The following TMTC1 variants were observed in gnomAD, a reference collection of about 807,000 sequenced individuals.
TMTC1 encodes the protein protein O-mannosyl-transferase TMTC1.
A neutral mutation model predicts 104.8 loss-of-function variants in TMTC1; 73 were observed. That is an observed-to-expected ratio of 0.70 (90% CI 0.58 to 0.85). The LOEUF (loss-of-function observed/expected upper bound fraction) is 0.85, where lower values mean the gene tolerates loss of function less well. Among genes scored for constraint, TMTC1 ranks in the 40% least tolerant of loss-of-function variants. TMTC1 has a pLI of 0.00. For missense variants in TMTC1, 1,035 were observed against 1,096.1 expected, an observed-to-expected ratio of 0.94 and a Z score of 0.79; for synonymous variants, 434 against 428.7, an observed-to-expected ratio of 1.01 and a Z score of -0.15.
intron 5 of TMTC1, among the ~76,000 whole-genome samples, chr12:29,740,742 G>A (rs1482738903): frequency 2.6e-5 from 4 of 152,214 alleles, no homozygotes; most frequent in Admixed American, 2.6e-4. Context: ...ATGGTGCTAG[G>A]ATTGTATGCA....
chr12:29,506,602 G>A lies in TMTC1; in HGVS notation c.*244C>T, dbSNP rs1013747648. Reference sequence around the variant, plus strand: ...TAAACCAAACAAAAATCTGTAAAATGTGTAAATGTCATTCTCCTTCCCTCT... The same window carrying A: ...TAAACCAAACAAAAATCTGTAAAATATGTAAATGTCATTCTCCTTCCCTCT... On this transcript the variant is annotated 3_prime_UTR_variant, in exon 18 of 18. Transcript: ENST00000539277. 1.0e-5 allele frequency: 5 copies of A among 481,742 alleles called. No homozygotes were observed. The highest frequency in any genetic ancestry group is 1.5e-5 in the Non-Finnish European group (4 of 267,284). 29.8% of individuals were successfully genotyped at this position (481,742 alleles called of 1,614,324 possible).
chr12:29,781,121 T>C (rs984916479), intron 1 of TMTC1, among the ~76,000 whole-genome samples: 1 of 140,328 alleles, frequency 7.1e-6, no homozygotes, highest in Non-Finnish European at 1.6e-5. Context: ...AGCTTCATGC[T>C]ATACCTCAGG....
chr12:29,628,187 T>C (rs1358130776), intron 6 of TMTC1, among the ~76,000 whole-genome samples: 1 of 152,220 alleles, frequency 6.6e-6, no homozygotes, highest in Non-Finnish European at 1.5e-5. Flanking sequence ...TTCTCCTACT[T>C]ATCTTATCTC....
intron 7 of TMTC1, among the ~76,000 whole-genome samples, chr12:29,591,354 C>A (rs1370924007): frequency 6.6e-6 from 1 of 152,132 alleles, no homozygotes; most frequent in East Asian, 1.9e-4. Flanking sequence ...GCTTTCCTGG[C>A]CTTTGGGGAG....
rs909709756 is a variant in TMTC1, at chr12:29,626,217, C to T, written c.1128+6930G>A. On this transcript the variant is annotated intron_variant, in intron 6 of 17. Transcript: ENST00000539277. ...AACAAGACAGCAAAAAATATTTGTC[C>T]CCATGGGGCTCATGCTCTGGTTGGC... Among the ~76,000 whole-genome samples the T allele has an allele frequency of 3.3e-5, 5 of 151,918 alleles. No individual in the cohort carries two copies. The East Asian group carries it at 9.6e-4, about 29-fold the overall frequency.
At chr12:29,627,531 C>A (rs1938064915) in intron 6 of TMTC1, among the ~76,000 whole-genome samples, 1 of 152,120 alleles carries the variant, frequency 6.6e-6, no homozygotes, top group African/African-American at 2.4e-5. Context: ...CATGGTACAG[C>A]CACTACGGAA....
intron 5 of TMTC1, among the ~76,000 whole-genome samples, chr12:29,634,305 T>C (rs925535365): frequency 6.6e-5 from 10 of 152,208 alleles, no homozygotes; most frequent in African/African-American, 2.4e-4. Flanking sequence ...GAGCCATTCC[T>C]ATGGAATGTA....
intron 5 of TMTC1, among the ~76,000 whole-genome samples, chr12:29,717,628 T>C (rs938145947): frequency 6.6e-6 from 1 of 152,242 alleles, no homozygotes; most frequent in African/African-American, 2.4e-5. Flanking sequence ...TAGAAAATTC[T>C]AAGGGTTTGA....
At chr12:29,709,572 A>T (rs1210393212) in intron 5 of TMTC1, among the ~76,000 whole-genome samples, 1 of 152,162 alleles carries the variant, frequency 6.6e-6, no homozygotes, top group Non-Finnish European at 1.5e-5. Context: ...GAAAAAAAAA[A>T]TTCACAGATT....
At chr12:29,761,742 C>T (rs777074187) in intron 2 of TMTC1, among the ~76,000 whole-genome samples, 48 of 152,230 alleles carry the variant, frequency 3.2e-4, no homozygotes, top group Middle Eastern at 6.8e-3. Context: ...AATAGTATCA[C>T]CCACGTCACA....
At chr12:29,575,559 T>G (rs1592257508) in intron 8 of TMTC1, among the ~76,000 whole-genome samples, 1 of 144,872 alleles carries the variant, frequency 6.9e-6, no homozygotes, top group Non-Finnish European at 1.5e-5. Flanking sequence ...TAAAATCCAC[T>G]GGCTGGGAGC....
chr12:29,650,293 C>T (rs1046226073), intron 5 of TMTC1, among the ~76,000 whole-genome samples: 3 of 152,078 alleles, frequency 2.0e-5, no homozygotes, highest in African/African-American at 7.2e-5. Flanking sequence ...CCATGTTAGC[C>T]AGGCTGGTCT....
intron 5 of TMTC1, among the ~76,000 whole-genome samples, chr12:29,736,937 A>T (rs1363811627): frequency 6.6e-6 from 1 of 152,260 alleles, no homozygotes; most frequent in Non-Finnish European, 1.5e-5. Flanking sequence ...CACGAAGAGC[A>T]GCACAACCAT....
At chr12:29,508,094 T>C (rs1943740290) in intron 17 of TMTC1, among the ~76,000 whole-genome samples, 1 of 152,238 alleles carries the variant, frequency 6.6e-6, no homozygotes, top group South Asian at 2.1e-4. Flanking sequence ...TATTAATGAC[T>C]ATCCAGGCTC....
chr12:29,643,688 AT>A (rs1939036157), intron 5 of TMTC1, among the ~76,000 whole-genome samples: 3 of 16,818 alleles, frequency 1.8e-4, no homozygotes, highest in African/African-American at 7.1e-4. Context: ...TATATTATAT[AT>A]ATTATATATA....
At position 29,693,473 on chromosome 12, in the gene TMTC1, A is replaced by T. The variant is rs1265543588; in HGVS notation, c.938+58193T>A. Among the ~76,000 whole-genome samples, 8 of 108,942 alleles carry T rather than the reference A, an allele frequency of 7.3e-5. 2 individuals carry two copies. The highest frequency in any genetic ancestry group is 2.6e-4 in the African/African-American group (8 of 30,744). The allele number at this position is 108,942 out of a possible 152,430, so 71.5% of individuals were successfully genotyped here. A position where few individuals can be genotyped will look rare whatever the true frequency, so the allele number is the denominator to read the frequency against. Reference sequence around the variant, plus strand: ...AGAATATTGGAATTTATTCCTCCTAACTGTAATTTTGTATCCAAAATTTGT... The same window carrying T: ...AGAATATTGGAATTTATTCCTCCTATCTGTAATTTTGTATCCAAAATTTGT... On this transcript the variant is annotated intron_variant, in intron 5 of 17. Coordinates refer to ENST00000539277, the MANE Select transcript of TMTC1 (RefSeq NM_001193451.2).
intron 8 of TMTC1, among the ~76,000 whole-genome samples, chr12:29,575,622 CA>C (rs1945801286): frequency 6.6e-6 from 1 of 151,930 alleles, no homozygotes; most frequent in African/African-American, 2.4e-5. Flanking sequence ...AGCCAGAGAA[CA>C]GCCAAAAGAA....
At chr12:29,590,036 C>T (rs938692610) in intron 7 of TMTC1, among the ~76,000 whole-genome samples, 3 of 152,142 alleles carry the variant, frequency 2.0e-5, no homozygotes, top group South Asian at 2.1e-4. Context: ...TTTCAGCCCA[C>T]GCAGTCTTTG....
At chr12:29,601,093 A>T (rs1946552533) in intron 7 of TMTC1, among the ~76,000 whole-genome samples, 1 of 152,224 alleles carries the variant, frequency 6.6e-6, no homozygotes, top group South Asian at 2.1e-4. Context: ...TTTAACCCAA[A>T]TCAGCCTATT....
Sources: allele counts gnomAD v4.1 joint callset (sites outside exome capture counted in the v4.1 genomes callset), GRCh38; gene constraint gnomAD v4.1.1; transcripts MANE v1.5; gene names NCBI Gene and HGNC (gene_info 2026-07-23, HGNC 2026-07-21).